The following NHSL1 variants were observed in gnomAD, a reference collection of about 807,000 sequenced individuals.
NHSL1 encodes the protein NHS-like protein 1.
NHSL1 carries 48 observed loss-of-function variants against 95.0 expected under a neutral mutation model. The ratio of observed to expected loss-of-function variants is 0.51; its 90% CI spans 0.40 to 0.64. The LOEUF is 0.64. NHSL1 is among the 30% of genes least tolerant of loss of function. The probability of loss-of-function intolerance (pLI) is 0.00; values close to 1 mark genes in which losing one functional copy is unlikely to be tolerated. For synonymous variants in NHSL1, 783 were observed against 833.9 expected (o/e 0.94, Z 1.05); for missense variants, 1,971 against 2,077.7 (o/e 0.95, Z 1.00).
intron 1 of NHSL1, among the ~76,000 whole-genome samples, chr6:138,526,917 T>C (rs1781927727): frequency 6.6e-6 from 1 of 152,220 alleles, no homozygotes. Context: ...GAATCCATCT[T>C]GATAGTATCG....
intron 1 of NHSL1, among the ~76,000 whole-genome samples, chr6:138,675,848 G>A (rs1785441875): frequency 6.6e-6 from 1 of 152,120 alleles, no homozygotes; most frequent in Admixed American, 6.5e-5. Flanking sequence ...ATTCTTACAT[G>A]ATTATATCTC....
intron 2 of NHSL1, among the ~76,000 whole-genome samples, chr6:138,492,498 T>A (rs531667590): frequency 6.6e-6 from 1 of 152,360 alleles, no homozygotes; most frequent in African/African-American, 2.4e-5. Context: ...ACAGAACAGA[T>A]GCTCAATATT....
At chr6:138,636,217 T>A (rs1383141227) in intron 1 of NHSL1, among the ~76,000 whole-genome samples, 2 of 151,234 alleles carry the variant, frequency 1.3e-5, no homozygotes, top group Non-Finnish European at 2.9e-5. Context: ...AAATTCAACA[T>A]CCCTTCATGA....
exon 1 of NHSL1, chr6:138,571,739 T>G: frequency 6.4e-7 from 1 of 1,552,230 alleles, no homozygotes; most frequent in Non-Finnish European, 8.7e-7. Context: ...GTATATCCAG[T>G]TTTCGTCATC....
chr6:138,650,490 T>G, intron 1 of NHSL1: 5 of 784,584 alleles, frequency 6.4e-6, no homozygotes, highest in Non-Finnish European at 6.5e-6. Context: ...GAGGCTGTCA[T>G]CCACCAGGTA....
At chr6:138,438,632 A>G (rs1179320245) in intron 5 of NHSL1, among the ~76,000 whole-genome samples, 3 of 152,262 alleles carry the variant, frequency 2.0e-5, no homozygotes, top group Admixed American at 2.0e-4. Flanking sequence ...CATAATGTAC[A>G]GAAATAATTA....
At chr6:138,575,989 A>ATTTC, upstream of NHSL1, among the ~76,000 whole-genome samples, 1 of 150,592 alleles carries the variant, frequency 6.6e-6, no homozygotes, top group African/African-American at 2.5e-5. Flanking sequence ...TTATTTATTT[A>ATTTC]TTTATTTATT....
intron 1 of NHSL1, among the ~76,000 whole-genome samples, chr6:138,655,087 G>A (rs748231397): frequency 6.6e-6 from 1 of 152,188 alleles, no homozygotes; most frequent in Non-Finnish European, 1.5e-5. Flanking sequence ...AGCACTGGGA[G>A]TTGGCAGAGC....
chr6:138,464,939 CT>C (rs1443927239), intron 3 of NHSL1, among the ~76,000 whole-genome samples: 1 of 151,574 alleles, frequency 6.6e-6, no homozygotes, highest in Non-Finnish European at 1.5e-5. Context: ...TCTCAAACTC[CT>C]GGCCTCAGGT....
intron 1 of NHSL1, among the ~76,000 whole-genome samples, chr6:138,662,320 G>A (rs947805413): frequency 5.3e-5 from 8 of 152,142 alleles, no homozygotes; most frequent in African/African-American, 1.9e-4. Context: ...CATAATCCAT[G>A]AGAAAAATCC....
rs191462483 is a variant in NHSL1 at position 138,433,820 on chromosome 6, C to T, written c.665-140G>A. 1.2e-5 allele frequency: 15 copies of T among 1,272,096 alleles called. No homozygotes were observed. The East Asian group carries it at 2.4e-4, about 21-fold the overall frequency. 78.8% of individuals were successfully genotyped at this position (1,272,096 alleles called of 1,614,324 possible). A position where few individuals can be genotyped will look rare whatever the true frequency, so the allele number is the denominator to read the frequency against. On this transcript the variant is annotated intron_variant, in intron 5 of 7. Transcript: ENST00000343505. ...CCTTTCTCCTGTAGGTATCTAAGTA[C>T]ATTTAAAAAGTTACTGATAGCTCTA...
At chr6:138,592,152 A>T (rs1451105312) in intron 1 of NHSL1, among the ~76,000 whole-genome samples, 1 of 152,240 alleles carries the variant, frequency 6.6e-6, no homozygotes, top group Non-Finnish European at 1.5e-5. Context: ...CCAAAACACA[A>T]TATTAAATAC....
intron 1 of NHSL1, among the ~76,000 whole-genome samples, chr6:138,626,522 C>T (rs905702016): frequency 2.6e-5 from 4 of 152,124 alleles, no homozygotes; most frequent in African/African-American, 9.7e-5. Context: ...AACACCTCTT[C>T]GAGCCCATGG....
intron 1 of NHSL1, among the ~76,000 whole-genome samples, chr6:138,621,293 T>G (rs9495160): frequency 0.028 from 4,214 of 152,250 alleles, 179 homozygotes; most frequent in African/African-American, 0.095. Context: ...CCATGGGAAG[T>G]CAAAGCTTTA....
chr6:138,689,497 C>G (rs1272315749), intron 1 of NHSL1, among the ~76,000 whole-genome samples: 1 of 152,202 alleles, frequency 6.6e-6, no homozygotes, highest in African/African-American at 2.4e-5. Context: ...GCAGGGCCAG[C>G]CCACAGGACT....
upstream of NHSL1, among the ~76,000 whole-genome samples, chr6:138,549,601 T>C (rs1307838780): frequency 6.6e-6 from 1 of 152,144 alleles, no homozygotes; most frequent in Non-Finnish European, 1.5e-5. Context: ...AGGGAGAGAA[T>C]AAACTGGTTA....
intron 7 of NHSL1, 80 bp downstream of exon 7, chr6:138,429,631 G>A (rs1311163630): frequency 1.5e-6 from 2 of 1,308,184 alleles, no homozygotes; most frequent in East Asian, 5.4e-5. Context: ...AAACCTCAAG[G>A]AAGAAAAGTA....
At chr6:138,478,277 G>A (rs1779212605) in intron 2 of NHSL1, among the ~76,000 whole-genome samples, 1 of 151,810 alleles carries the variant, frequency 6.6e-6, no homozygotes, top group Non-Finnish European at 1.5e-5. Flanking sequence ...CACCGCGCTG[G>A]CCATAAAAAT....
In NHSL1 at chr6:138,635,950, T is replaced by TAAA. The variant is rs930630887; in HGVS notation, c.96+56523_96+56525dup. On this transcript the variant is annotated intron_variant, in intron 1 of 3. Transcript: ENST00000491526. Reference sequence around the variant, plus strand: ...TCAAATAGTGAAATGCCGTCTCTACTAAAAAAAAAAAAAAAAAAAAAAATT... The same window carrying TAAA: ...TCAAATAGTGAAATGCCGTCTCTACTAAAAAAAAAAAAAAAAAAAAAAAAAATT... Among the ~76,000 whole-genome samples, 507 of 94,328 alleles carry TAAA rather than the reference T, an allele frequency of 5.4e-3. 8 individuals carry two copies. The East Asian group carries it at 0.072, about 13-fold the overall frequency. 61.9% of individuals were successfully genotyped at this position (94,328 alleles called of 152,430 possible).
Sources: allele counts gnomAD v4.1 joint callset (sites outside exome capture counted in the v4.1 genomes callset), GRCh38; gene constraint gnomAD v4.1.1; transcripts MANE v1.5; gene names NCBI Gene and HGNC (gene_info 2026-07-23, HGNC 2026-07-21).